The following SLC35F1 variants were observed in gnomAD, a reference collection of about 807,000 sequenced individuals.
SLC35F1 encodes the protein solute carrier family 35 member F1.
SLC35F1 carries 14 observed loss-of-function variants against 48.7 expected under a neutral mutation model. The observed-to-expected ratio is 0.29, with a 90% CI of 0.19 to 0.45. The LOEUF is 0.45. Among genes scored for constraint, SLC35F1 ranks in the 20% least tolerant of loss-of-function variants. The pLI, the probability that SLC35F1 is intolerant of heterozygous loss-of-function variation, is 1.00. For synonymous variants in SLC35F1, 190 were observed against 202.2 expected, an observed-to-expected ratio of 0.94 and a Z score of 0.51; for missense variants, 404 against 500.0, an observed-to-expected ratio of 0.81 and a Z score of 1.83.
chr6:118,029,896 T>G (rs955709435), intron 1 of SLC35F1, among the ~76,000 whole-genome samples: 1 of 152,218 alleles, frequency 6.6e-6, no homozygotes, highest in Non-Finnish European at 1.5e-5. Context: ...TTTGCATCCC[T>G]TTCCTTTCTT....
intron 2 of SLC35F1, among the ~76,000 whole-genome samples, chr6:118,180,716 A>G (rs1200343395): frequency 6.6e-6 from 1 of 152,108 alleles, no homozygotes. Flanking sequence ...ATGGAGAGTG[A>G]GAATGTGCAA....
At chr6:118,313,536 G>A (rs545428911) in intron 7 of SLC35F1, among the ~76,000 whole-genome samples, 2 of 152,272 alleles carry the variant, frequency 1.3e-5, no homozygotes, top group South Asian at 4.1e-4. Context: ...ATTCCTCTTA[G>A]GAAGACAAAT....
chr6:118,276,005 C>T (rs1192707055), intron 5 of SLC35F1, among the ~76,000 whole-genome samples: 1 of 152,076 alleles, frequency 6.6e-6, no homozygotes, highest in Non-Finnish European at 1.5e-5. Context: ...CAATAGAAAA[C>T]TTATAGTATA....
At chr6:118,281,889 A>G (rs1416381798) in intron 6 of SLC35F1, among the ~76,000 whole-genome samples, 1 of 152,234 alleles carries the variant, frequency 6.6e-6, no homozygotes, top group Non-Finnish European at 1.5e-5. Context: ...TATCAGCATT[A>G]CACTGTTGTG....
intron 1 of SLC35F1, among the ~76,000 whole-genome samples, chr6:118,030,187 A>G (rs1317595368): frequency 3.9e-5 from 6 of 152,200 alleles, no homozygotes; most frequent in Non-Finnish European, 7.3e-5. Flanking sequence ...CCTAGTGTGT[A>G]TGCAAGGCAA....
intron 1 of SLC35F1, among the ~76,000 whole-genome samples, chr6:118,068,063 G>C (rs770753629): frequency 6.6e-6 from 1 of 152,146 alleles, no homozygotes; most frequent in African/African-American, 2.4e-5. Flanking sequence ...TGATTTCTGA[G>C]GGGAGGAGAA....
At chr6:118,143,627 A>AT (rs1255018379) in intron 1 of SLC35F1, among the ~76,000 whole-genome samples, 1 of 152,112 alleles carries the variant, frequency 6.6e-6, no homozygotes, top group African/African-American at 2.4e-5. Flanking sequence ...TGTTAACAAT[A>AT]TTTTTTCTAG....
At chr6:117,972,568 C>T (rs1273259043) in intron 1 of SLC35F1, among the ~76,000 whole-genome samples, 1 of 152,100 alleles carries the variant, frequency 6.6e-6, no homozygotes, top group East Asian at 1.9e-4. Flanking sequence ...GCTAGGGAGG[C>T]CTCACAATCA....
intron 1 of SLC35F1, among the ~76,000 whole-genome samples, chr6:117,942,964 C>G (rs904485094): frequency 6.6e-6 from 1 of 152,114 alleles, no homozygotes; most frequent in African/African-American, 2.4e-5. Flanking sequence ...ATCAATTTCT[C>G]TTAGTTCACA....
intron 1 of SLC35F1, among the ~76,000 whole-genome samples, chr6:118,058,693 GT>G (rs1772495452): frequency 6.6e-6 from 1 of 151,994 alleles, no homozygotes; most frequent in African/African-American, 2.4e-5. Flanking sequence ...TTGCTTTGCT[GT>G]TTTTCTGTTT....
chr6:118,063,507 C>T (rs760725234), intron 1 of SLC35F1, among the ~76,000 whole-genome samples: 7 of 151,964 alleles, frequency 4.6e-5, no homozygotes, highest in African/African-American at 7.2e-5. Context: ...ACATACTTTT[C>T]AGTTATTCAG....
chr6:118,023,058 G>A (rs914310247), intron 1 of SLC35F1, among the ~76,000 whole-genome samples: 3 of 151,990 alleles, frequency 2.0e-5, no homozygotes, highest in Admixed American at 6.6e-5. Flanking sequence ...ATGCCCGGCC[G>A]GGCAATTTTT....
At chr6:118,113,973 C>T (rs1773443261) in intron 1 of SLC35F1, among the ~76,000 whole-genome samples, 1 of 152,224 alleles carries the variant, frequency 6.6e-6, no homozygotes, top group Non-Finnish European at 1.5e-5. Context: ...TTGGCTTCTA[C>T]TCAGCATAAT....
chr6:118,076,991 C>T (rs4283911), intron 1 of SLC35F1, among the ~76,000 whole-genome samples: 30,433 of 151,976 alleles, frequency 0.2, 3,256 homozygotes, highest in Middle Eastern at 0.28. Flanking sequence ...AAGCCTCTTT[C>T]GTCTTCTCCA....
intron 1 of SLC35F1, among the ~76,000 whole-genome samples, chr6:117,990,211 T>C (rs1246829113): frequency 5.9e-5 from 9 of 152,224 alleles, no homozygotes; most frequent in Non-Finnish European, 1.3e-4. Context: ...TGAATTTTAC[T>C]GCAGAACTAG....
chr6:118,310,564 C>A (rs905259604), intron 7 of SLC35F1, among the ~76,000 whole-genome samples: 4 of 151,962 alleles, frequency 2.6e-5, no homozygotes, highest in African/African-American at 9.7e-5. Flanking sequence ...TAACATTCAG[C>A]ATTTATCCTG....
chr6:118,287,735 C>T (rs1232174498), intron 7 of SLC35F1, among the ~76,000 whole-genome samples: 3 of 152,200 alleles, frequency 2.0e-5, no homozygotes, highest in African/African-American at 4.8e-5. Flanking sequence ...CTTTCCCACA[C>T]TTCCACTGAT....
At chr6:118,082,207 G>C (rs542600723) in intron 1 of SLC35F1, among the ~76,000 whole-genome samples, 1 of 152,278 alleles carries the variant, frequency 6.6e-6, no homozygotes, top group South Asian at 2.1e-4. Context: ...AAAAAACCAA[G>C]TAGGTGATTC....
chr6:118,070,224 G>T (rs1425542005), intron 1 of SLC35F1, among the ~76,000 whole-genome samples: 1 of 150,410 alleles, frequency 6.6e-6, no homozygotes, highest in Non-Finnish European at 1.5e-5. Context: ...GAGGCTAAGA[G>T]AATCTAAGAG....
Sources: allele counts gnomAD v4.1 joint callset (sites outside exome capture counted in the v4.1 genomes callset), GRCh38; gene constraint gnomAD v4.1.1; transcripts MANE v1.5; gene names NCBI Gene and HGNC (gene_info 2026-07-23, HGNC 2026-07-21).